KLRG2: variants seen among roughly 807,000 people sequenced by gnomAD.
KLRG2 encodes killer cell lectin-like receptor subfamily G member 2.
KLRG2 carries 39 observed loss-of-function variants against 35.4 expected under a neutral mutation model. The ratio of observed to expected loss-of-function variants is 1.10; its 90% CI spans 0.85 to 1.44. KLRG2 has a LOEUF of 1.44. Ranked by LOEUF, KLRG2 falls within the 40% of genes most tolerant of loss-of-function variation. The pLI, the probability that KLRG2 is intolerant of heterozygous loss-of-function variation, is 0.00. For missense variants in KLRG2, 632 were observed against 570.9 expected, an observed-to-expected ratio of 1.11 and a Z score of -1.09; for synonymous variants, 283 against 265.8, an observed-to-expected ratio of 1.06 and a Z score of -0.63.
chr7:139,444,650 A>G, the KLRG2 span, among the ~76,000 whole-genome samples: 1 of 152,190 alleles, frequency 6.6e-6, no homozygotes, highest in Non-Finnish European at 1.5e-5. Context: ...CCCTGATCTC[A>G]GACTTCCAGC....
At position 139,454,123 on chromosome 7, in the gene KLRG2, A is replaced by G; in HGVS notation, c.1097T>C (p.Leu366Pro). Residue 366 changes from leucine to proline, a missense_variant, in exon 4 of 5, where the codon CTC (leucine) becomes CCC (proline). Transcript: ENST00000340940. ...QGWHWIDEAP[L>P]PPQLLPEDGE... ...CGTGGTCACTCACAGCTGGGGCGGG[A>G]GTGGGGCCTCGTCGATCCAGTGCCA... 1.3e-6 allele frequency: 2 copies of G among 1,537,536 alleles called. No homozygotes were observed. The highest frequency in any genetic ancestry group is 1.8e-6 in the Non-Finnish European group (2 of 1,135,034).
chr7:139,431,881 TA>T, the KLRG2 span, among the ~76,000 whole-genome samples: 1 of 152,110 alleles, frequency 6.6e-6, no homozygotes. Flanking sequence ...AAGCTATTTT[TA>T]AAAAGCAGTT....
At chr7:139,451,520 T>C (rs548629127), downstream of KLRG2, among the ~76,000 whole-genome samples, 5 of 151,990 alleles carry the variant, frequency 3.3e-5, no homozygotes, top group African/African-American at 1.2e-4. Flanking sequence ...TTTTTTTTTG[T>C]TATAAAGCAA....
At chr7:139,429,829 C>A in the KLRG2 span, among the ~76,000 whole-genome samples, 32 of 152,290 alleles carry the variant, frequency 2.1e-4, no homozygotes, top group Middle Eastern at 0.02. Context: ...CTTCCCCCCC[C>A]TTTCTATTCC....
At chr7:139,444,247 A>G in the KLRG2 span, among the ~76,000 whole-genome samples, 3 of 152,170 alleles carry the variant, frequency 2.0e-5, no homozygotes, top group Non-Finnish European at 2.9e-5. Context: ...ACCCTTACAG[A>G]CACACCCAGA....
chr7:139,474,014 C>CTT (rs751172556), intron 3 of KLRG2, among the ~76,000 whole-genome samples: 63 of 129,900 alleles, frequency 4.8e-4, no homozygotes, highest in East Asian at 1.6e-3. Context: ...GTGGCTCAGA[C>CTT]TTTTTTTTTT....
At chr7:139,476,295 C>T (rs1240245277) in intron 3 of KLRG2, among the ~76,000 whole-genome samples, 1 of 152,036 alleles carries the variant, frequency 6.6e-6, no homozygotes, top group African/African-American at 2.4e-5. Flanking sequence ...AACAGGGAAT[C>T]CCACGGAGGA....
chr7:139,432,052 TAA>T, the KLRG2 span, among the ~76,000 whole-genome samples: 7 of 147,064 alleles, frequency 4.8e-5, no homozygotes, highest in East Asian at 2.0e-4. Flanking sequence ...ATGTATGTTT[TAA>T]AAAAAAAAAA....
intron 3 of KLRG2, among the ~76,000 whole-genome samples, chr7:139,460,858 C>G (rs1360179964): frequency 1.3e-5 from 2 of 152,084 alleles, no homozygotes; most frequent in Non-Finnish European, 2.9e-5. Context: ...ACTTGGGAGG[C>G]TGAGGCACCA....
At chr7:139,445,783 A>G in the KLRG2 span, among the ~76,000 whole-genome samples, 199 of 111,600 alleles carry the variant, frequency 1.8e-3, 23 homozygotes, top group African/African-American at 0.012. Flanking sequence ...ATATATATGT[A>G]TATATATATG....
chr7:139,472,651 C>G (rs190627789), intron 3 of KLRG2, among the ~76,000 whole-genome samples: 1 of 151,270 alleles, frequency 6.6e-6, no homozygotes, highest in African/African-American at 2.4e-5. Context: ...AGCTGGACAA[C>G]TGTAACAGCC....
intron 3 of KLRG2, among the ~76,000 whole-genome samples, chr7:139,473,638 G>C (rs191995159): frequency 6.6e-6 from 1 of 152,202 alleles, no homozygotes; most frequent in Non-Finnish European, 1.5e-5. Flanking sequence ...GCAGGGAGCA[G>C]AGGAAAATTT....
chr7:139,463,829 G>C (rs1796609329), intron 3 of KLRG2, among the ~76,000 whole-genome samples: 1 of 152,148 alleles, frequency 6.6e-6, no homozygotes, highest in Admixed American at 6.5e-5. Flanking sequence ...AACTCTTATA[G>C]AGTGAAGGGT....
chr7:139,450,276 T>G (rs1164411484), downstream of KLRG2, among the ~76,000 whole-genome samples: 1 of 151,794 alleles, frequency 6.6e-6, no homozygotes, highest in Non-Finnish European at 1.5e-5. Context: ...CAGGCTGGAG[T>G]GCAGTGGCGC....
At chr7:139,447,283 C>G in the KLRG2 span, among the ~76,000 whole-genome samples, 2 of 152,164 alleles carry the variant, frequency 1.3e-5, no homozygotes, top group Non-Finnish European at 2.9e-5. Context: ...TTTAATTACA[C>G]GAACCTATAG....
downstream of KLRG2, among the ~76,000 whole-genome samples, chr7:139,450,387 C>A (rs1326129292): frequency 6.6e-6 from 1 of 151,960 alleles, no homozygotes; most frequent in East Asian, 1.9e-4. Context: ...CCACGCCCGG[C>A]TAATTTTTTG....
chr7:139,459,444 G>T (rs1158665052), intron 3 of KLRG2, among the ~76,000 whole-genome samples: 3 of 152,210 alleles, frequency 2.0e-5, no homozygotes, highest in Non-Finnish European at 4.4e-5. Flanking sequence ...GCACTCTAGA[G>T]ACCACCTTTG....
chr7:139,478,148 CG>C (rs966410762), intron 3 of KLRG2, among the ~76,000 whole-genome samples: 24 of 149,148 alleles, frequency 1.6e-4, no homozygotes, highest in Non-Finnish European at 2.7e-4. Flanking sequence ...GTGGGAGGAT[CG>C]CTTGAGTCCA....
intron 3 of KLRG2, among the ~76,000 whole-genome samples, chr7:139,459,386 T>C (rs917117147): frequency 6.6e-6 from 1 of 152,238 alleles, no homozygotes; most frequent in Non-Finnish European, 1.5e-5. Context: ...ACTATGTCCC[T>C]GCAACAATAT....
Sources: gnomAD v4.1 joint callset for allele counts (sites outside exome capture counted in the v4.1 genomes callset) on GRCh38, gnomAD v4.1.1 for gene constraint, MANE v1.5 for transcripts, NCBI Gene and HGNC (gene_info 2026-07-23, HGNC 2026-07-21) for gene names.